IGFBP4: variants seen among roughly 807,000 people sequenced by gnomAD.
IGFBP4 encodes insulin like growth factor binding protein 4.
IGFBP4 carries 9 observed loss-of-function variants against 25.8 expected under a neutral mutation model. The observed-to-expected ratio is 0.35, with a 90% CI of 0.21 to 0.61. IGFBP4 has a LOEUF of 0.61. Among genes scored for constraint, IGFBP4 ranks in the 20% least tolerant of loss-of-function variants. The pLI, the probability that IGFBP4 is intolerant of heterozygous loss-of-function variation, is 0.77. For missense variants in IGFBP4, 315 were observed against 365.3 expected, an observed-to-expected ratio of 0.86 and a Z score of 1.12; for synonymous variants, 153 against 153.9, an observed-to-expected ratio of 0.99 and a Z score of 0.05.
In IGFBP4 at chr17:40,447,443, G is replaced by C. The variant is rs529854204; in HGVS notation, c.349+3359G>C. Among the ~76,000 whole-genome samples the C allele has an allele frequency of 1.2e-4, 19 of 152,336 alleles. No homozygotes were observed. The South Asian group carries it at 3.9e-3, about 32-fold the overall frequency. ...TGGGCTCTCAGTCCCTTTGGGACAG[G>C]GTTAGGGAACAGGCAGGCTGGGTTA... On this transcript the variant is annotated intron_variant, in intron 1 of 3. Coordinates refer to ENST00000269593, the MANE Select transcript of IGFBP4 (RefSeq NM_001552.3).
In IGFBP4 at chr17:40,453,872, C is replaced by T; in HGVS notation, c.508-56C>T. 7.1e-7 allele frequency: 1 copy of T among 1,409,752 alleles called. No homozygotes were observed. Among genetic ancestry groups the T allele is most frequent in the Middle Eastern group, 1.8e-4 (1 of 5,568 alleles). 87.3% of individuals were successfully genotyped at this position (1,409,752 alleles called of 1,614,324 possible). Reference sequence around the variant, plus strand: ...TTCTCACTTAGCTCTGACCCCAGGCCTGGGCCTCCTGCCTCTCTTCCTTCT... The same window carrying T: ...TTCTCACTTAGCTCTGACCCCAGGCTTGGGCCTCCTGCCTCTCTTCCTTCT... On this transcript the variant is annotated intron_variant, in intron 2 of 3. Transcript: ENST00000269593. The surrounding 1 kb of genome is among the most constrained non-coding windows in gnomAD (Gnocchi z 4.0).
Position 40,456,526 on chromosome 17 carries a change from C to A in IGFBP4, c.720C>A (p.Gly240=). Residue 240 remains glycine (G), a synonymous_variant, in exon 4 of 4, where the codon GGC becomes GGA. Transcript: ENST00000269593. ...DRKTGVKLPG[G]LEPKGELDCH... The stretch of plus-strand genomic sequence containing the variant: ...AGACGGGGGTGAAGCTTCCGGGGGG[C>A]CTGGAGCCAAAGGGGGAGCTGGACT... 6.2e-7 allele frequency: 1 copy of A among 1,613,538 alleles called. No individual in the cohort carries two copies. Among genetic ancestry groups the A allele is most frequent in the Non-Finnish European group, 8.5e-7 (1 of 1,179,826 alleles).
In IGFBP4 at chr17:40,453,893, C is replaced by T. The variant is rs1423724718; in HGVS notation, c.508-35C>T. 1 of 1,554,034 alleles carries T rather than the reference C, an allele frequency of 6.4e-7. No individual in the cohort carries two copies. Among genetic ancestry groups the T allele is most frequent in the East Asian group, 2.3e-5 (1 of 43,748 alleles). On this transcript the variant is annotated intron_variant, in intron 2 of 3. Transcript: ENST00000269593. The surrounding 1 kb of genome is among the most constrained non-coding windows in gnomAD (Gnocchi z 4.0). ...AGGCCTGGGCCTCCTGCCTCTCTTCCTTCTGCTGAGCAATTTTGTCTTCCC... is the reference window on the plus strand; with the variant it reads ...AGGCCTGGGCCTCCTGCCTCTCTTCTTTCTGCTGAGCAATTTTGTCTTCCC...
intron 1 of IGFBP4, among the ~76,000 whole-genome samples, chr17:40,444,787 C>G (rs1225189637): frequency 6.6e-6 from 1 of 150,930 alleles, no homozygotes; most frequent in Non-Finnish European, 1.5e-5. Context: ...GGCTCCTAGC[C>G]GAGAGCTGCA....
rs376765315 is a variant in IGFBP4, at chr17:40,449,160, T to C, written c.350-3825T>C. Among the ~76,000 whole-genome samples, 14 of 152,300 alleles carry C rather than the reference T, an allele frequency of 9.2e-5. 1 individual carries two copies. The South Asian group carries it at 2.9e-3, about 32-fold the overall frequency. Reference sequence around the variant, plus strand: ...TAGCTTTTCGTAGGTAACCCTCTGATGTGACATGGGGCCATACCAACCCAA... The same window carrying C: ...TAGCTTTTCGTAGGTAACCCTCTGACGTGACATGGGGCCATACCAACCCAA... On this transcript the variant is annotated intron_variant, in intron 1 of 3. Coordinates refer to ENST00000269593, the MANE Select transcript of IGFBP4 (RefSeq NM_001552.3).
chr17:40,453,914 T>C lies in IGFBP4; in HGVS notation c.508-14T>C, dbSNP rs1271247370. On this transcript the variant is annotated splice_polypyrimidine_tract_variant and intron_variant, in intron 2 of 3. Coordinates refer to ENST00000269593, the MANE Select transcript of IGFBP4 (RefSeq NM_001552.3). This position sits in a 1 kb window ranked among gnomAD's most constrained non-coding sequence, Gnocchi z 4.0. Reference sequence around the variant, plus strand: ...CTTCCTTCTGCTGAGCAATTTTGTCTTCCCCTCCTCCAGCCCCAGGGCTCC... The same window carrying C: ...CTTCCTTCTGCTGAGCAATTTTGTCCTCCCCTCCTCCAGCCCCAGGGCTCC... 2 of 1,594,596 alleles carry C rather than the reference T, an allele frequency of 1.3e-6. No individual in the cohort carries two copies. Among genetic ancestry groups the C allele is most frequent in the East Asian group, 2.3e-5 (1 of 43,908 alleles).
At chr17:40,454,854 G>A (rs1019827139) in intron 3 of IGFBP4, among the ~76,000 whole-genome samples, 5 of 152,152 alleles carry the variant, frequency 3.3e-5, no homozygotes, top group African/African-American at 7.2e-5. Context: ...CTTTGTCGAC[G>A]TAGACAGACC....
At chr17:40,451,090 T>C (rs1452140072) in intron 1 of IGFBP4, among the ~76,000 whole-genome samples, 1 of 152,136 alleles carries the variant, frequency 6.6e-6, no homozygotes, top group Non-Finnish European at 1.5e-5. Flanking sequence ...CTTGGCACAG[T>C]CCTCGTCTTC....
At chr17:40,455,132 T>C (rs2035707112) in intron 3 of IGFBP4, among the ~76,000 whole-genome samples, 1 of 152,198 alleles carries the variant, frequency 6.6e-6, no homozygotes, top group Admixed American at 6.5e-5. Context: ...CTTTATTTTT[T>C]AGAGTAGTTT....
In IGFBP4 at chr17:40,456,718, T is replaced by A; in HGVS notation, c.*135T>A. On this transcript the variant is annotated 3_prime_UTR_variant, in exon 4 of 4. Coordinates refer to ENST00000269593, the MANE Select transcript of IGFBP4 (RefSeq NM_001552.3). ...CCCAGAAGTTTCCCTCAAATGCGCG[T>A]GTGCACGTGTGCGTGTGCGTGCGTG... 3.7e-6 allele frequency: 3 copies of A among 808,028 alleles called. No homozygotes were observed. Among genetic ancestry groups the A allele is most frequent in the Non-Finnish European group, 3.8e-6 (2 of 520,448 alleles). 50.1% of individuals were successfully genotyped at this position (808,028 alleles called of 1,614,324 possible). A position where few individuals can be genotyped will look rare whatever the true frequency, so the allele number is the denominator to read the frequency against.
intron 1 of IGFBP4, among the ~76,000 whole-genome samples, chr17:40,444,398 G>C (rs1389361154): frequency 6.6e-6 from 1 of 151,914 alleles, no homozygotes; most frequent in African/African-American, 2.4e-5. Flanking sequence ...TTAAGGTCCA[G>C]TTAAGTCAGC....
Position 40,450,633 on chromosome 17 carries a change from G to A in IGFBP4, c.350-2352G>A, listed in dbSNP as rs181803976. Among the ~76,000 whole-genome samples, 12 of 152,118 alleles carry A rather than the reference G, an allele frequency of 7.9e-5. No individual in the cohort carries two copies. In the East Asian group the frequency reaches 2.3e-3, roughly 29 times the overall value. ...GCTCACTGTAGCCTTGATGTACTGG[G>A]GTCAAGCGATCCTCCTACCTCAGTC... On this transcript the variant is annotated intron_variant, in intron 1 of 3. Transcript: ENST00000269593.
In IGFBP4 at chr17:40,443,951, C is replaced by G. The variant is rs554193402; in HGVS notation, c.216C>G (p.Pro72=). 6.5e-6 allele frequency: 10 copies of G among 1,531,850 alleles called. No individual in the cohort carries two copies. In the South Asian group the frequency reaches 1.1e-4, roughly 16 times the overall value. The allele number at this position is 1,531,850 out of a possible 1,614,324, so 94.9% of individuals were successfully genotyped here. Residue 72 remains proline, a synonymous_variant, in exon 1 of 4, where the codon CCC becomes CCG. Transcript: ENST00000269593. ...GLGMPCGVYT[P]RCGSGLRCYP... Reference sequence around the variant, plus strand: ...GGATGCCCTGCGGGGTGTACACCCCCCGTTGCGGCTCGGGCCTGCGCTGCT... The same window carrying G: ...GGATGCCCTGCGGGGTGTACACCCCGCGTTGCGGCTCGGGCCTGCGCTGCT...
rs10305309 is a variant in IGFBP4, at chr17:40,456,701, T to C, written c.*118T>C. ...CCTGTCTCTGCCTGCGGCCCAGAAG[T>C]TTCCCTCAAATGCGCGTGTGCACGT... On this transcript the variant is annotated 3_prime_UTR_variant, in exon 4 of 4. Coordinates refer to ENST00000269593, the MANE Select transcript of IGFBP4 (RefSeq NM_001552.3). 1.6e-4 allele frequency: 168 copies of C among 1,061,924 alleles called. No individual in the cohort carries two copies. The African/African-American group carries it at 2.5e-3, about 16-fold the overall frequency. The allele number at this position is 1,061,924 out of a possible 1,614,324, so 65.8% of individuals were successfully genotyped here. A position where few individuals can be genotyped will look rare whatever the true frequency, so the allele number is the denominator to read the frequency against.
chr17:40,453,209 C>T lies in IGFBP4; in HGVS notation c.507+67C>T, dbSNP rs1377568451. The T allele has an allele frequency of 1.7e-6, 2 of 1,182,390 alleles. No homozygotes were observed. The highest frequency in any genetic ancestry group is 2.3e-6 in the Non-Finnish European group (2 of 879,988). 73.2% of individuals were successfully genotyped at this position (1,182,390 alleles called of 1,614,324 possible). A position where few individuals can be genotyped will look rare whatever the true frequency, so the allele number is the denominator to read the frequency against. On this transcript the variant is annotated intron_variant, in intron 2 of 3. Transcript: ENST00000269593. The surrounding 1 kb of genome is among the most constrained non-coding windows in gnomAD (Gnocchi z 4.0). ...ACACACACACATGCCCCCTGCCCCC[C>T]ACATGCACGCACCCACACACACCAT...
In IGFBP4 at chr17:40,443,971, G is replaced by A. The variant is rs1334176478; in HGVS notation, c.236G>A (p.Arg79His). Residue 79 changes from arginine to histidine, a missense_variant, in exon 1 of 4, where the codon CGC (arginine) becomes CAC (histidine). Transcript: ENST00000269593. ...ACCCCCCGTTGCGGCTCGGGCCTGC[G>A]CTGCTACCCGCCCCGAGGGGTGGAG... ...VYTPRCGSGL[R>H]CYPPRGVEKP... The A allele has an allele frequency of 1.3e-6, 2 of 1,530,970 alleles. No homozygotes were observed. Among genetic ancestry groups the A allele is most frequent in the Non-Finnish European group, 1.7e-6 (2 of 1,144,502 alleles). The allele number at this position is 1,530,970 out of a possible 1,614,324, so 94.8% of individuals were successfully genotyped here.
chr17:40,455,444 C>T (rs1351469212), intron 3 of IGFBP4, among the ~76,000 whole-genome samples: 1 of 151,900 alleles, frequency 6.6e-6, no homozygotes, highest in African/African-American at 2.4e-5. Context: ...CCTCAGTCTC[C>T]TGAGTAGCTG....
intron 3 of IGFBP4, among the ~76,000 whole-genome samples, chr17:40,454,955 T>A (rs1424529555): frequency 6.6e-5 from 10 of 152,214 alleles, no homozygotes; most frequent in African/African-American, 2.4e-4. Context: ...AAGGTTGCCC[T>A]GAGTCTGTGC....
chr17:40,445,065 C>G (rs2035636974), intron 1 of IGFBP4, among the ~76,000 whole-genome samples: 1 of 151,988 alleles, frequency 6.6e-6, no homozygotes, highest in Non-Finnish European at 1.5e-5. Context: ...CTCTCAGTCT[C>G]TTTTCCTTCT....
Sources: allele counts gnomAD v4.1 joint callset (sites outside exome capture counted in the v4.1 genomes callset), GRCh38; gene constraint gnomAD v4.1.1; non-coding constraint Gnocchi (gnomAD v3.1); transcripts MANE v1.5; gene names NCBI Gene and HGNC (gene_info 2026-07-23, HGNC 2026-07-21).